Variants in STAMBP observed in about 807,000 individuals in gnomAD.
STAMBP encodes the protein STAM-binding protein.
STAMBP carries 31 observed loss-of-function variants against 50.7 expected under a neutral mutation model. That is an observed-to-expected ratio of 0.61 (90% CI 0.46 to 0.83). STAMBP has a LOEUF of 0.83. STAMBP is among the 40% of genes least tolerant of loss of function. The probability of loss-of-function intolerance (pLI) is 0.00; values close to 1 mark genes in which losing one functional copy is unlikely to be tolerated. For missense variants in STAMBP, 472 were observed against 518.9 expected (o/e 0.91, Z 0.88); for synonymous variants, 211 against 192.4 (o/e 1.10, Z -0.80).
rs537868554 is a variant in STAMBP at position 73,849,550 on chromosome 2, T to C, written c.867+63T>C. On this transcript the variant is annotated intron_variant, in intron 6 of 9. Coordinates refer to ENST00000394070, the MANE Select transcript of STAMBP (RefSeq NM_213622.4). ...GAAACTGTTTCTTCCCCTCTTGGCA[T>C]CCTGTGACTCTCAGAGAAAATATCC... is the stretch of plus-strand genomic sequence containing the variant. 1.4e-5 allele frequency: 21 copies of C among 1,524,440 alleles called. No homozygotes were observed. The East Asian group carries it at 4.1e-4, about 30-fold the overall frequency. 94.4% of individuals were successfully genotyped at this position (1,524,440 alleles called of 1,614,324 possible).
intron 9 of STAMBP, among the ~76,000 whole-genome samples, chr2:73,860,381 C>T (rs947153016): frequency 6.6e-6 from 1 of 152,168 alleles, no homozygotes; most frequent in Admixed American, 6.5e-5. Context: ...GTTCCTGGGC[C>T]TCAGTTTTCC....
At chr2:73,862,064 G>A (rs1678393035) in intron 9 of STAMBP, 139 bp from the exon 10 acceptor site, 1 of 487,936 alleles carries the variant, frequency 2.0e-6, no homozygotes, top group Non-Finnish European at 3.5e-6. Flanking sequence ...TTGAACCCAG[G>A]AGGCGGGGGT....
chr2:73,829,298 G>A lies in STAMBP; in HGVS notation c.-225G>A, dbSNP rs1339661912. On this transcript the variant is annotated 5_prime_UTR_variant, in exon 1 of 10. The change abolishes the stop of an existing upstream ORF in the 5' untranslated region. Coordinates refer to ENST00000394070, the MANE Select transcript of STAMBP (RefSeq NM_213622.4). ...AGGGTTCCTCAAGCAGTTGTCGATA[G>A]AGCCCTCCCTACTGTATACGCCCCC... The A allele has an allele frequency of 6.6e-6, 1 of 152,344 alleles. No homozygotes were observed. The highest frequency in any genetic ancestry group is 1.5e-5 in the Non-Finnish European group (1 of 68,120). 9.4% of individuals were successfully genotyped at this position (152,344 alleles called of 1,614,324 possible).
intron 9 of STAMBP, 21 bp from the exon 10 acceptor site, chr2:73,862,182 C>G (rs770249457): frequency 1.3e-6 from 2 of 1,591,880 alleles, no homozygotes; most frequent in African/African-American, 2.7e-5. Context: ...AGGACTCCAC[C>G]TTTCTTTTTT....
chr2:73,848,718 C>A (rs1676433314), intron 5 of STAMBP, among the ~76,000 whole-genome samples: 1 of 152,200 alleles, frequency 6.6e-6, no homozygotes, highest in Non-Finnish European at 1.5e-5. Flanking sequence ...TCTTAAAGAT[C>A]CTACCTCTCA....
In STAMBP at chr2:73,859,254, A is replaced by G; in HGVS notation, c.1006A>G (p.Thr336Ala). ...QGLITLGWIH[T>A]HPTQTAFLSS... is the part of the protein sequence containing the mutation. ...CCTCTGACTCTTTTTCTCTCCTCAG[A>G]CTCACCCCACACAGACCGCGTTTCT... is the stretch of plus-strand genomic sequence containing the variant. Residue 336 changes from threonine (T) to alanine (A), a missense_variant and splice_region_variant, in exon 8 of 10, where the codon ACT becomes GCT. Coordinates refer to ENST00000394070, the MANE Select transcript of STAMBP (RefSeq NM_213622.4). 6.2e-7 allele frequency: 1 copy of G among 1,613,460 alleles called. No homozygotes were observed. The highest frequency in any genetic ancestry group is 8.5e-7 in the Non-Finnish European group (1 of 1,179,584).
intron 7 of STAMBP, among the ~76,000 whole-genome samples, chr2:73,853,882 A>G (rs1223024751): frequency 1.3e-5 from 2 of 152,146 alleles, no homozygotes; most frequent in East Asian, 1.9e-4. Flanking sequence ...CACCACTTCA[A>G]TGTGTATCTC....
intron 4 of STAMBP, among the ~76,000 whole-genome samples, chr2:73,845,868 G>T (rs975286718): frequency 6.6e-6 from 1 of 152,212 alleles, no homozygotes; most frequent in Non-Finnish European, 1.5e-5. Flanking sequence ...CTGACCTCAA[G>T]TGATCCGCCT....
chr2:73,843,191 C>CTTTTT (rs34680117), intron 2 of STAMBP, among the ~76,000 whole-genome samples: 1 of 129,892 alleles, frequency 7.7e-6, no homozygotes, highest in African/African-American at 2.9e-5. Flanking sequence ...TTATATCTTT[C>CTTTTT]TTTTTTTTTT....
rs1203796672 is a variant in STAMBP, at chr2:73,829,192, C to A, written c.-331C>A. ...TGACCAGCCAGGCCCAGCGGTTCCC[C>A]GCCTACTGCATTTGAAAGATCCCGA... On this transcript the variant is annotated 5_prime_UTR_variant, in exon 1 of 10. Transcript: ENST00000394070. The A allele has an allele frequency of 6.6e-6, 1 of 152,254 alleles. No homozygotes were observed. The highest frequency in any genetic ancestry group is 1.9e-4 in the East Asian group (1 of 5,196). The allele number at this position is 152,254 out of a possible 1,614,324, so 9.4% of individuals were successfully genotyped here.
intron 2 of STAMBP, among the ~76,000 whole-genome samples, chr2:73,843,844 C>T (rs991830636): frequency 6.6e-6 from 1 of 152,218 alleles, no homozygotes; most frequent in Admixed American, 6.5e-5. Flanking sequence ...TATTTTAGAG[C>T]TATCAGCAAG....
At position 73,844,864 on chromosome 2, in the gene STAMBP, T is replaced by G; in HGVS notation, c.255T>G (p.Ile85Met). 6.2e-7 allele frequency: 1 copy of G among 1,614,058 alleles called. No individual in the cohort carries two copies. Among genetic ancestry groups the G allele is most frequent in the East Asian group, 2.2e-5 (1 of 44,880 alleles). ...PKHRDYKSAV[I>M]PEKKDTVKKL... is the part of the protein sequence containing the mutation. ...ATCGAGATTACAAATCTGCTGTCAT[T>G]CCTGAAAAGAAAGACACAGTAAAGG... Residue 85 changes from isoleucine to methionine, a missense_variant, in exon 3 of 10, where the codon ATT (isoleucine) becomes ATG (methionine). Physicochemically the swap from Ile to Met is conservative, Grantham distance 10. Coordinates refer to ENST00000394070, the MANE Select transcript of STAMBP (RefSeq NM_213622.4).
intron 4 of STAMBP, among the ~76,000 whole-genome samples, chr2:73,846,058 G>A (rs1184915737): frequency 6.6e-6 from 1 of 152,214 alleles, no homozygotes; most frequent in East Asian, 1.9e-4. Flanking sequence ...TTGTGTAGCT[G>A]TCTGCTGGTC....
At chr2:73,858,328 G>A (rs1677852655) in intron 7 of STAMBP, among the ~76,000 whole-genome samples, 1 of 151,772 alleles carries the variant, frequency 6.6e-6, no homozygotes, top group South Asian at 2.1e-4. Context: ...TAAGAGAGAT[G>A]TGGTTTCACC....
In STAMBP at chr2:73,830,915, A is replaced by G. The variant is rs1673830067; in HGVS notation, c.59A>G (p.Gln20Arg). ...GAAGACCGGGTGAGGGCTCTCTCCC[A>G]GCTGGGTAGTGCGGTAGAGGTGAAT... is the stretch of plus-strand genomic sequence containing the variant. ...PPEDRVRALS[Q>R]LGSAVEVNED... Residue 20 changes from glutamine to arginine, a missense_variant, in exon 2 of 10, where the codon CAG (glutamine) becomes CGG (arginine). Transcript: ENST00000394070. 2 of 1,614,066 alleles carry G rather than the reference A, an allele frequency of 1.2e-6. No individual in the cohort carries two copies. Among genetic ancestry groups the G allele is most frequent in the Non-Finnish European group, 1.7e-6 (2 of 1,180,026 alleles).
chr2:73,829,565 C>A (rs1673642277), intron 1 of STAMBP, 55 bp downstream of exon 1: 2 of 152,230 alleles, frequency 1.3e-5, no homozygotes, highest in Non-Finnish European at 2.9e-5. Flanking sequence ...GGGCCGTGGA[C>A]TAGGTTTACT....
rs148699255 is a variant in STAMBP, at chr2:73,834,236, AATATATATATATATATATAT to A, written c.203+3209_203+3228del. ...AAAAAAAAAAAAAAAAAAAAAAAAA[AATATATATATATATATATAT>A]ATATATATATATATATATATATATA... is the stretch of plus-strand genomic sequence containing the variant. On this transcript the variant is annotated intron_variant, in intron 2 of 9. Coordinates refer to ENST00000394070, the MANE Select transcript of STAMBP (RefSeq NM_213622.4). Among the ~76,000 whole-genome samples the A allele has an allele frequency of 3.1e-3, 113 of 36,366 alleles. 1 individual carries two copies. The highest frequency in any genetic ancestry group is 6.9e-3 in the African/African-American group (42 of 6,072). The allele number at this position is 36,366 out of a possible 152,430, so 23.9% of individuals were successfully genotyped here. A position where few individuals can be genotyped will look rare whatever the true frequency, so the allele number is the denominator to read the frequency against.
intron 7 of STAMBP, chr2:73,855,648 C>T (rs1014010964): frequency 2.2e-6 from 1 of 455,972 alleles, no homozygotes; most frequent in Non-Finnish European, 4.4e-6. Flanking sequence ...CACTGAAGTC[C>T]TTACATGCCC....
intron 5 of STAMBP, among the ~76,000 whole-genome samples, chr2:73,848,467 T>C (rs1676404553): frequency 6.6e-6 from 1 of 152,238 alleles, no homozygotes; most frequent in South Asian, 2.1e-4. Flanking sequence ...TATTCTTATC[T>C]GAGATAAAAG....
Sources: allele counts gnomAD v4.1 joint callset (sites outside exome capture counted in the v4.1 genomes callset), GRCh38; gene constraint gnomAD v4.1.1; transcripts MANE v1.5; gene names NCBI Gene and HGNC (gene_info 2026-07-23, HGNC 2026-07-21).